The following MTUS2 variants were observed in gnomAD, a reference collection of about 807,000 sequenced individuals.
MTUS2 encodes the protein microtubule associated scaffold protein 2, also known as microtubule-associated tumor suppressor candidate 2.
In MTUS2, 40 loss-of-function variants were observed where a neutral mutation model predicts 114.1. That is an observed-to-expected ratio of 0.35 (90% confidence interval 0.27 to 0.46). MTUS2 has a LOEUF of 0.46. MTUS2 is among the 20% of genes least tolerant of loss of function. The pLI, the probability that MTUS2 is intolerant of heterozygous loss-of-function variation, is 1.00. For missense variants in MTUS2, 1,679 were observed against 1,705.4 expected (o/e 0.98, Z 0.27); for synonymous variants, 688 against 672.0 (o/e 1.02, Z -0.37).
chr13:29,161,154 G>A (rs1266449275), intron 5 of MTUS2, among the ~76,000 whole-genome samples: 3 of 152,156 alleles, frequency 2.0e-5, no homozygotes, highest in African/African-American at 4.8e-5. Flanking sequence ...CTAAATATGC[G>A]TGCACACACG....
At chr13:29,054,605 ATAC>A (rs1455316076) in intron 4 of MTUS2, among the ~76,000 whole-genome samples, 2 of 152,148 alleles carry the variant, frequency 1.3e-5, no homozygotes, top group Non-Finnish European at 2.9e-5. Flanking sequence ...CAGTTTAAGT[ATAC>A]TTAACACTGT....
At chr13:29,260,533 G>A (rs35558494) in intron 5 of MTUS2, among the ~76,000 whole-genome samples, 2,014 of 152,268 alleles carry the variant, frequency 0.013, 28 homozygotes, top group East Asian at 0.084. Flanking sequence ...TCACACAAAA[G>A]AATTTACAGC....
intron 9 of MTUS2, among the ~76,000 whole-genome samples, chr13:29,445,440 T>A (rs11616919): frequency 0.039 from 5,980 of 152,232 alleles, 145 homozygotes; most frequent in Middle Eastern, 0.061. Flanking sequence ...TGCTATAAAC[T>A]CAGAGGTTGC....
chr13:29,138,798 T>A (rs1847160183), intron 5 of MTUS2, among the ~76,000 whole-genome samples: 1 of 152,110 alleles, frequency 6.6e-6, no homozygotes, highest in Admixed American at 6.6e-5. Flanking sequence ...AAAATGCCAC[T>A]GCATAGGCAG....
chr13:29,430,745 T>A (rs1260899049), intron 8 of MTUS2, among the ~76,000 whole-genome samples: 2 of 152,256 alleles, frequency 1.3e-5, no homozygotes, highest in Non-Finnish European at 2.9e-5. Flanking sequence ...TATGCCAAAA[T>A]CATTTATTTA....
At chr13:29,217,925 C>G (rs993008051) in intron 5 of MTUS2, among the ~76,000 whole-genome samples, 1 of 152,096 alleles carries the variant, frequency 6.6e-6, no homozygotes, top group African/African-American at 2.4e-5. Flanking sequence ...GGAGACCAGC[C>G]TGGGCAACAT....
chr13:28,857,312 A>T lies in MTUS2; in HGVS notation c.-243+17462A>T, dbSNP rs184308660. ...CAACTAGTGATTCGTCTTTTTAAAA[A>T]TCTGAAAGGCTAAAGTCATAGGGTC... On this transcript the variant is annotated intron_variant, in intron 2 of 15. Transcript: ENST00000612955. Among the ~76,000 whole-genome samples, 318 of 152,312 alleles carry T rather than the reference A, an allele frequency of 2.1e-3. 2 individuals carry two copies. The highest frequency in any genetic ancestry group is 7.4e-3 in the African/African-American group (309 of 41,550).
chr13:29,487,703 A>C, intron 10 of MTUS2, 197 bp from the exon 11 acceptor site: 1 of 596,726 alleles, frequency 1.7e-6, no homozygotes, highest in East Asian at 2.9e-5. Context: ...CCCCCTACAA[A>C]GAGCCAGGTT....
intron 5 of MTUS2, among the ~76,000 whole-genome samples, chr13:29,166,951 G>A (rs1893340744): frequency 6.6e-6 from 1 of 152,162 alleles, no homozygotes; most frequent in African/African-American, 2.4e-5. Flanking sequence ...AGTATCTGTG[G>A]CTGTATGATA....
chr13:28,937,906 A>T (rs1235394764), intron 2 of MTUS2, among the ~76,000 whole-genome samples: 1 of 152,050 alleles, frequency 6.6e-6, no homozygotes, highest in Non-Finnish European at 1.5e-5. Flanking sequence ...GAGCTTTGGT[A>T]CCCTCACTCC....
intron 5 of MTUS2, among the ~76,000 whole-genome samples, chr13:29,130,332 C>T (rs1395683182): frequency 6.6e-6 from 1 of 152,054 alleles, no homozygotes; most frequent in Admixed American, 6.5e-5. Context: ...CCTTCCTTTG[C>T]TTCCCCTCCT....
intron 2 of MTUS2, among the ~76,000 whole-genome samples, chr13:28,974,041 G>A (rs937799652): frequency 4.6e-5 from 7 of 151,854 alleles, no homozygotes; most frequent in Admixed American, 4.6e-4. Flanking sequence ...TCCTTCAGAC[G>A]TATATTCTCT....
intron 9 of MTUS2, among the ~76,000 whole-genome samples, chr13:29,449,053 C>G (rs1878496635): frequency 6.6e-6 from 1 of 152,078 alleles, no homozygotes; most frequent in Admixed American, 6.6e-5. Context: ...TGTACCTGGC[C>G]TAAAGCACTC....
At chr13:29,257,191 G>A (rs75195263) in intron 5 of MTUS2, among the ~76,000 whole-genome samples, 2,567 of 152,172 alleles carry the variant, frequency 0.017, 73 homozygotes, top group African/African-American at 0.055. Flanking sequence ...TACAGCCCTA[G>A]TCATCTTTCC....
At chr13:29,398,347 G>T (rs1874064619) in intron 8 of MTUS2, among the ~76,000 whole-genome samples, 2 of 151,952 alleles carry the variant, frequency 1.3e-5, no homozygotes, top group Admixed American at 1.3e-4. Context: ...TGTAATCCCA[G>T]CTACTTGGGA....
chr13:29,333,419 ACACC>A (rs1900894116), intron 7 of MTUS2, among the ~76,000 whole-genome samples: 2 of 151,682 alleles, frequency 1.3e-5, no homozygotes, highest in African/African-American at 4.8e-5. Flanking sequence ...CTGGTCTCTA[ACACC>A]CTACCTCAGG....
chr13:28,859,161 C>T (rs80134388), intron 2 of MTUS2, among the ~76,000 whole-genome samples: 6,482 of 152,192 alleles, frequency 0.043, 416 homozygotes, highest in African/African-American at 0.13. Flanking sequence ...CTGCATTTTA[C>T]AGAAGGAGAA....
chr13:29,133,107 A>G (rs1387661353), intron 5 of MTUS2, among the ~76,000 whole-genome samples: 3 of 151,786 alleles, frequency 2.0e-5, no homozygotes, highest in Non-Finnish European at 4.4e-5. Flanking sequence ...TAATTTTCAT[A>G]ATGATTAGTG....
intron 2 of MTUS2, among the ~76,000 whole-genome samples, chr13:28,963,220 G>C (rs1227006119): frequency 6.6e-6 from 1 of 151,982 alleles, no homozygotes; most frequent in Non-Finnish European, 1.5e-5. Context: ...GCGTGGTGGT[G>C]GGCGCCTGTA....
Sources: gnomAD v4.1 joint callset for allele counts (sites outside exome capture counted in the v4.1 genomes callset) on GRCh38, gnomAD v4.1.1 for gene constraint, MANE v1.5 for transcripts, NCBI Gene and HGNC (gene_info 2026-07-23, HGNC 2026-07-21) for gene names.